The following TRA2B variants were observed in gnomAD, a reference collection of about 807,000 sequenced individuals.
TRA2B encodes the protein transformer 2 beta homolog, also known as transformer-2 protein homolog beta.
Under a neutral mutation model 41.7 loss-of-function variants are expected in TRA2B, and 14 were observed. The ratio of observed to expected loss-of-function variants is 0.34; its 90% CI spans 0.22 to 0.53. TRA2B has a LOEUF of 0.53. Ranked by LOEUF, TRA2B falls within the 20% of genes least tolerant of loss-of-function variation. The pLI, the probability that TRA2B is intolerant of heterozygous loss-of-function variation, is 0.95. For synonymous variants in TRA2B, 130 were observed against 128.8 expected (o/e 1.01, Z -0.06); for missense variants, 167 against 396.8 (o/e 0.42, Z 4.92).
Position 185,937,953 on chromosome 3 carries a change from G to A in TRA2B, c.-93C>T, listed in dbSNP as rs964454408. ...AGGAGGCTCCGCCGCAGCCCCGCAC[G>A]ACGCGCCGGTCGCCCAGCCGCTCAG... is the stretch of plus-strand genomic sequence containing the variant. On this transcript the variant is annotated 5_prime_UTR_variant, in exon 1 of 9. Coordinates refer to ENST00000453386, the MANE Select transcript of TRA2B (RefSeq NM_004593.3). 1.8e-5 allele frequency: 27 copies of A among 1,506,114 alleles called. No individual in the cohort carries two copies. The highest frequency in any genetic ancestry group is 1.7e-4 in the Middle Eastern group (1 of 5,782). 93.3% of individuals were successfully genotyped at this position (1,506,114 alleles called of 1,614,324 possible). A position where few individuals can be genotyped will look rare whatever the true frequency, so the allele number is the denominator to read the frequency against.
chr3:185,922,230 G>A (rs1344981017), intron 4 of TRA2B, 104 bp from the exon 5 acceptor site: 8 of 704,900 alleles, frequency 1.1e-5, no homozygotes, highest in Non-Finnish European at 1.6e-5. Context: ...GGTGCATTAA[G>A]TTATCTTAAT....
At chr3:185,926,775 G>A (rs1455782210) in intron 1 of TRA2B, 41 bp from the exon 2 acceptor site, 2 of 1,607,316 alleles carry the variant, frequency 1.2e-6, no homozygotes, top group Admixed American at 1.7e-5. Context: ...ACACTTTCTG[G>A]GCAACTTTAA....
At chr3:185,932,554 G>T (rs543731571) in intron 1 of TRA2B, among the ~76,000 whole-genome samples, 2 of 152,196 alleles carry the variant, frequency 1.3e-5, no homozygotes, top group African/African-American at 4.8e-5. Flanking sequence ...TCCAACACTG[G>T]TATTTTCAAA....
intron 1 of TRA2B, chr3:185,935,823 AAC>A (rs1233367688): frequency 3.0e-6 from 3 of 985,418 alleles, no homozygotes; most frequent in Admixed American, 6.1e-5. Context: ...GCAAACACCA[AAC>A]ACAACAATAT....
At chr3:185,937,295 T>G in intron 1 of TRA2B, 1 of 987,082 alleles carries the variant, frequency 1.0e-6, no homozygotes, top group Non-Finnish European at 1.2e-6. Flanking sequence ...GCAAAGACGG[T>G]CCTTCGTTAA....
At chr3:185,934,861 G>C in intron 1 of TRA2B, 1 of 985,316 alleles carries the variant, frequency 1.0e-6, no homozygotes, top group Non-Finnish European at 1.2e-6. Context: ...CAATCACATC[G>C]GCTTTACAAA....
Position 185,915,507 on chromosome 3 carries a change from G to C in TRA2B, c.*2208C>G, listed in dbSNP as rs79070107. 6.6e-6 allele frequency among the ~76,000 whole-genome samples: 1 copy of C among 152,046 alleles called. No individual in the cohort carries two copies. The highest frequency in any genetic ancestry group is 1.5e-5 in the Non-Finnish European group (1 of 68,004). On this transcript the variant is annotated 3_prime_UTR_variant, in exon 9 of 9. Coordinates refer to ENST00000453386, the MANE Select transcript of TRA2B (RefSeq NM_004593.3). ...GCTGCCTCCCTTTCATGAAACTGGCGACTAGCATTACAGCACATCAAAAGA... is the reference window on the plus strand; with the variant it reads ...GCTGCCTCCCTTTCATGAAACTGGCCACTAGCATTACAGCACATCAAAAGA...
At chr3:185,936,524 T>A (rs1744362172) in intron 1 of TRA2B, 1 of 985,444 alleles carries the variant, frequency 1.0e-6, no homozygotes, top group Non-Finnish European at 1.2e-6. Context: ...TCACGCTTCA[T>A]CACTGAAAAT....
intron 6 of TRA2B, among the ~76,000 whole-genome samples, chr3:185,920,844 AAAT>A (rs1487832013): frequency 6.6e-6 from 1 of 152,158 alleles, no homozygotes; most frequent in East Asian, 1.9e-4. Context: ...CAATGTTTAA[AAAT>A]AAAACACATT....
chr3:185,932,669 TCAC>T (rs1191206106), intron 1 of TRA2B, among the ~76,000 whole-genome samples: 1 of 152,198 alleles, frequency 6.6e-6, no homozygotes, highest in Non-Finnish European at 1.5e-5. Flanking sequence ...AAATTACAGC[TCAC>T]CTCCTCAAAT....
At chr3:185,935,791 G>A (rs750785923) in intron 1 of TRA2B, 44 of 985,124 alleles carry the variant, frequency 4.5e-5, no homozygotes, top group Non-Finnish European at 4.9e-5. Context: ...ACCCTTAAAG[G>A]TTCCAATTGG....
chr3:185,928,500 T>C (rs1017319038), intron 1 of TRA2B: 1 of 152,118 alleles, frequency 6.6e-6, no homozygotes, highest in African/African-American at 2.4e-5. Context: ...TTAACAACAA[T>C]CCCTTGGAAT....
At position 185,923,888 on chromosome 3, in the gene TRA2B, T is replaced by C; in HGVS notation, c.430A>G (p.Ile144Val). ...LREVFSKYGP[I>V]ADVSIVYDQQ... ...TCATATACAATAGACACATCGGCAA[T>C]GGGACCATATTTAGAGAACACTTCT... Residue 144 changes from isoleucine to valine, a missense_variant, in exon 4 of 9, where the codon ATT becomes GTT. Ile to Val is a conservative substitution (Grantham distance 29, BLOSUM62 3). This residue lies in a region of TRA2B where 20 missense variants were observed against 159.6 expected (regional missense o/e 0.13). Coordinates refer to ENST00000453386, the MANE Select transcript of TRA2B (RefSeq NM_004593.3). The C allele has an allele frequency of 6.2e-7, 1 of 1,614,172 alleles. No homozygotes were observed. Among genetic ancestry groups the C allele is most frequent in the South Asian group, 1.1e-5 (1 of 91,090 alleles).
intron 1 of TRA2B, among the ~76,000 whole-genome samples, chr3:185,929,876 A>G (rs1331097913): frequency 2.0e-5 from 3 of 152,084 alleles, no homozygotes; most frequent in Admixed American, 6.6e-5. Flanking sequence ...CCCTTGGCAA[A>G]GGTTATCTTC....
At chr3:185,923,244 T>G (rs1743808786) in intron 4 of TRA2B, 1 of 152,750 alleles carries the variant, frequency 6.5e-6, no homozygotes, top group Admixed American at 6.5e-5. Flanking sequence ...GCCATTGCAC[T>G]CCAGCCCAGG....
intron 1 of TRA2B, among the ~76,000 whole-genome samples, chr3:185,931,309 G>T (rs1744147012): frequency 3.9e-5 from 6 of 152,298 alleles, no homozygotes; most frequent in Admixed American, 3.9e-4. Flanking sequence ...AGCAACATTA[G>T]ACAGGTAAAG....
Position 185,919,479 on chromosome 3 carries a change from C to CCT in TRA2B, c.738_739dup (p.Gly247GlufsTer46). ...GTCTTGGGCAGCTCTCCATCCTCCT[C>CCT]CTCCTCCACCTCCTCCTCTGTGAAG... is the stretch of plus-strand genomic sequence containing the variant. On this transcript the variant is annotated frameshift_variant, in exon 7 of 9. Coordinates refer to ENST00000453386, the MANE Select transcript of TRA2B (RefSeq NM_004593.3). LOFTEE classifies it high-confidence loss of function. The CCT allele has an allele frequency of 6.2e-7, 1 of 1,613,292 alleles. No individual in the cohort carries two copies. Among genetic ancestry groups the CCT allele is most frequent in the Non-Finnish European group, 8.5e-7 (1 of 1,179,762 alleles).
chr3:185,934,493 A>G (rs2150119603), intron 1 of TRA2B: 2 of 985,424 alleles, frequency 2.0e-6, no homozygotes, highest in Non-Finnish European at 2.4e-6. Context: ...AATATCCACA[A>G]TATTAAAGCA....
rs570148586 is a variant in TRA2B at position 185,934,720 on chromosome 3, A to T, written c.36+3105T>A. ...ATTTAGAGTTTAGGAGCTAAAACCA[A>T]GGAATATAAAAAGACATCCCAAGAT... On this transcript the variant is annotated intron_variant, in intron 1 of 8. Transcript: ENST00000453386. The T allele has an allele frequency of 7.8e-4, 768 of 985,154 alleles. 6 individuals are homozygous for T. In the African/African-American group the frequency reaches 0.013, roughly 16 times the overall value. The allele number at this position is 985,154 out of a possible 1,614,324, so 61.0% of individuals were successfully genotyped here.
Sources: allele counts gnomAD v4.1 joint callset (sites outside exome capture counted in the v4.1 genomes callset), GRCh38; gene constraint gnomAD v4.1.1; regional missense constraint gnomAD v4.1.1; transcripts MANE v1.5; gene names NCBI Gene and HGNC (gene_info 2026-07-23, HGNC 2026-07-21).